The following ATF7IP2 variants were observed in gnomAD, a reference collection of about 807,000 sequenced individuals.
The protein encoded by ATF7IP2 is activating transcription factor 7-interacting protein 2.
In ATF7IP2, 42 loss-of-function variants were observed where a neutral mutation model predicts 64.2. The ratio of observed to expected loss-of-function variants is 0.65; its 90% CI spans 0.51 to 0.85. The LOEUF is 0.85. ATF7IP2 is among the 40% of genes least tolerant of loss of function. The probability of loss-of-function intolerance (pLI) is 0.00; values close to 1 mark genes in which losing one functional copy is unlikely to be tolerated. For synonymous variants in ATF7IP2, 308 were observed against 272.8 expected (o/e 1.13, Z -1.27); for missense variants, 933 against 784.2 (o/e 1.19, Z -2.27).
At chr16:10,414,673 G>GGGGT (rs2047836499) in intron 2 of ATF7IP2, 61 bp downstream of exon 2, 1 of 144,572 alleles carries the variant, frequency 6.9e-6, no homozygotes, top group African/African-American at 2.6e-5. Flanking sequence ...TTGGGCGGGG[G>GGGGT]GGTGGGGGAT....
intron 1 of ATF7IP2, among the ~76,000 whole-genome samples, chr16:10,398,317 T>TA (rs375992649): frequency 0.021 from 3,024 of 147,454 alleles, 94 homozygotes; most frequent in African/African-American, 0.071. Flanking sequence ...AAAAAAAAAA[T>TA]AATAATAAAT....
intron 8 of ATF7IP2, among the ~76,000 whole-genome samples, chr16:10,453,296 G>T (rs138917974): frequency 6.6e-6 from 1 of 152,148 alleles, no homozygotes; most frequent in South Asian, 2.1e-4. Context: ...GGAGTGTACC[G>T]TTCCTCACGG....
chr16:10,389,813 C>G (rs569946262), intron 1 of ATF7IP2, among the ~76,000 whole-genome samples: 195 of 152,260 alleles, frequency 1.3e-3, no homozygotes, highest in African/African-American at 4.5e-3. Context: ...TCAGGTGATG[C>G]GGATGCTGCT....
At chr16:10,402,012 T>C (rs2047545175) in intron 1 of ATF7IP2, among the ~76,000 whole-genome samples, 1 of 152,138 alleles carries the variant, frequency 6.6e-6, no homozygotes, top group South Asian at 2.1e-4. Flanking sequence ...TTGGTTGGTG[T>C]AGGTAGTAGT....
chr16:10,414,711 C>T (rs1018928332), intron 2 of ATF7IP2, 99 bp downstream of exon 2: 4 of 148,956 alleles, frequency 2.7e-5, no homozygotes, highest in African/African-American at 5.0e-5. Context: ...TGTCATATTA[C>T]CAGAGTTGGT....
At chr16:10,476,868 G>A (rs1343473366) in intron 12 of ATF7IP2, among the ~76,000 whole-genome samples, 1 of 152,156 alleles carries the variant, frequency 6.6e-6, no homozygotes, top group African/African-American at 2.4e-5. Context: ...AGTATTCCAT[G>A]TGTATATGTA....
chr16:10,407,209 A>G (rs2047660074), intron 1 of ATF7IP2, among the ~76,000 whole-genome samples: 1 of 152,212 alleles, frequency 6.6e-6, no homozygotes, highest in Admixed American at 6.5e-5. Context: ...GAAACTGGGT[A>G]TAGAAGGAAT....
intron 8 of ATF7IP2, chr16:10,447,874 A>G (rs1245411679): frequency 1.3e-5 from 2 of 152,196 alleles, no homozygotes; most frequent in Non-Finnish European, 2.9e-5. Context: ...CCTAACACCT[A>G]GGTTTTCTTC....
intron 3 of ATF7IP2, among the ~76,000 whole-genome samples, chr16:10,422,178 C>G (rs889244813): frequency 1.3e-5 from 2 of 152,228 alleles, no homozygotes; most frequent in Admixed American, 6.5e-5. Context: ...CCTCCAGTTT[C>G]TCTTTGCTCA....
At chr16:10,441,894 C>G (rs549812920) in intron 8 of ATF7IP2, among the ~76,000 whole-genome samples, 6 of 152,162 alleles carry the variant, frequency 3.9e-5, no homozygotes, top group Non-Finnish European at 8.8e-5. Context: ...TGCACTCAGA[C>G]AAAAGATTTC....
chr16:10,451,614 C>G (rs2048986556), intron 8 of ATF7IP2, among the ~76,000 whole-genome samples: 1 of 151,904 alleles, frequency 6.6e-6, no homozygotes, highest in Non-Finnish European at 1.5e-5. Flanking sequence ...ATCAGTTCAG[C>G]TGTTAATACT....
chr16:10,461,834 T>C (rs1236158271), intron 9 of ATF7IP2, among the ~76,000 whole-genome samples: 4 of 152,158 alleles, frequency 2.6e-5, no homozygotes, highest in Admixed American at 2.6e-4. Flanking sequence ...ATTTATTTAA[T>C]GGAAAATATA....
Position 10,430,743 on chromosome 16 carries a change from A to T in ATF7IP2, c.123A>T (p.Ala41=), listed in dbSNP as rs1004141995. The change falls in exon 5 of 14, where the codon GCA becomes GCT. Residue 41 remains alanine, a synonymous_variant. Transcript: ENST00000562102. ...KSRNVEALKT[A]IGSNVPSGNQ... is the part of the protein sequence containing the mutation. ...GGAATGTTGAAGCGCTGAAAACAGC[A>T]ATTGGGAGTAATGTTCCAAGCGGTA... The T allele has an allele frequency of 3.1e-6, 5 of 1,614,008 alleles. No homozygotes were observed. Among genetic ancestry groups the T allele is most frequent in the Non-Finnish European group, 4.2e-6 (5 of 1,179,996 alleles).
At chr16:10,442,496 G>A (rs2048663199) in intron 8 of ATF7IP2, among the ~76,000 whole-genome samples, 1 of 152,182 alleles carries the variant, frequency 6.6e-6, no homozygotes, top group Non-Finnish European at 1.5e-5. Context: ...CAGTGGGAAT[G>A]AGTACCCTAA....
At chr16:10,430,287 A>T (rs187047866) in intron 4 of ATF7IP2, among the ~76,000 whole-genome samples, 2 of 152,214 alleles carry the variant, frequency 1.3e-5, no homozygotes, top group Non-Finnish European at 2.9e-5. Flanking sequence ...TATTTAAACT[A>T]TGACTTACCT....
intron 1 of ATF7IP2, among the ~76,000 whole-genome samples, chr16:10,388,023 C>T (rs2047238467): frequency 6.6e-6 from 1 of 152,046 alleles, no homozygotes. Context: ...CTGCCTCAGC[C>T]TTGCAAGTAG....
chr16:10,397,706 G>A (rs537187454), intron 1 of ATF7IP2, among the ~76,000 whole-genome samples: 2 of 151,598 alleles, frequency 1.3e-5, no homozygotes, highest in South Asian at 2.1e-4. Context: ...GCAAAACCCT[G>A]TCTCTGCAGG....
Position 10,483,338 on chromosome 16 carries a change from A to G in ATF7IP2, c.*1089A>G, listed in dbSNP as rs1309183224. The G allele has an allele frequency of 2.0e-5, 3 of 152,130 alleles. No homozygotes were observed. Among genetic ancestry groups the G allele is most frequent in the African/African-American group, 2.4e-5 (1 of 41,416 alleles). The allele number at this position is 152,130 out of a possible 1,614,324, so 9.4% of individuals were successfully genotyped here. A position where few individuals can be genotyped will look rare whatever the true frequency, so the allele number is the denominator to read the frequency against. On this transcript the variant is annotated 3_prime_UTR_variant, in exon 14 of 14. Coordinates refer to ENST00000562102, the MANE Select transcript of ATF7IP2 (RefSeq NM_001393719.1). ...TGATCATTTCCTGGCCACCATCACAATACTAAGGGGCTCAGATGTGTCTTG... is the reference window on the plus strand; with the variant it reads ...TGATCATTTCCTGGCCACCATCACAGTACTAAGGGGCTCAGATGTGTCTTG...
chr16:10,410,779 G>T (rs1386694149), intron 1 of ATF7IP2, among the ~76,000 whole-genome samples: 3 of 152,120 alleles, frequency 2.0e-5, no homozygotes, highest in African/African-American at 7.2e-5. Context: ...TGGTCTTTCA[G>T]GATATCTGCT....
Sources: allele counts gnomAD v4.1 joint callset (sites outside exome capture counted in the v4.1 genomes callset), GRCh38; gene constraint gnomAD v4.1.1; transcripts MANE v1.5; gene names NCBI Gene and HGNC (gene_info 2026-07-23, HGNC 2026-07-21).